The following LRRC55 variants were observed in gnomAD, a reference collection of about 807,000 sequenced individuals.
The protein encoded by LRRC55 is leucine rich repeat containing 55.
In LRRC55, 11 loss-of-function variants were observed where a neutral mutation model predicts 20.5. The ratio of observed to expected loss-of-function variants is 0.54; its 90% confidence interval spans 0.34 to 0.89. The LOEUF (loss-of-function observed/expected upper bound fraction) is 0.89, where lower values mean the gene tolerates loss of function less well. Ranked by LOEUF, LRRC55 falls within the 40% of genes least tolerant of loss-of-function variation. The pLI, the probability that LRRC55 is intolerant of heterozygous loss-of-function variation, is 0.02. For missense variants in LRRC55, 358 were observed against 390.9 expected (o/e 0.92, Z 0.71); for synonymous variants, 188 against 166.6 (o/e 1.13, Z -0.99).
At chr11:57,184,953 G>A (rs10896578) in intron 1 of LRRC55, among the ~76,000 whole-genome samples, 49,322 of 151,958 alleles carry the variant, frequency 0.32, 9,244 homozygotes, top group South Asian at 0.49. Context: ...GAGAGCTCAC[G>A]CGAGTCAAGC....
At position 57,191,149 on chromosome 11, in the gene LRRC55, T is replaced by C. The variant is rs1037004463; in HGVS notation, c.*3669T>C. On this transcript the variant is annotated 3_prime_UTR_variant, in exon 2 of 2. Transcript: ENST00000497933. ...TCAGACAAACCCTCGTCTCTTTTTC[T>C]CCCTTCCTAGAGGAATTCCCAGGGA... The C allele has an allele frequency of 6.6e-6, 1 of 152,134 alleles. No individual in the cohort carries two copies. The highest frequency in any genetic ancestry group is 2.4e-5 in the African/African-American group (1 of 41,410). 9.4% of individuals were successfully genotyped at this position (152,134 alleles called of 1,614,324 possible).
intron 1 of LRRC55, among the ~76,000 whole-genome samples, chr11:57,185,188 T>C (rs72918002): frequency 0.31 from 46,199 of 151,404 alleles, 7,426 homozygotes; most frequent in Non-Finnish European, 0.38. Context: ...TATGCATTTA[T>C]ACAACACATA....
At position 57,187,559 on chromosome 11, in the gene LRRC55, TGGTTCCATGG is replaced by T; in HGVS notation, c.*80_*89del. ...AGACGCCCTCCCTGACTGCTCACTC[TGGTTCCATGG>T]TGACCTGGCTGCCTCAGTCATGGTT... On this transcript the variant is annotated 3_prime_UTR_variant, in exon 2 of 2. Coordinates refer to ENST00000497933, the MANE Select transcript of LRRC55 (RefSeq NM_001005210.4). 1 of 1,323,834 alleles carries T rather than the reference TGGTTCCATGG, an allele frequency of 7.6e-7. No individual in the cohort carries two copies. The highest frequency in any genetic ancestry group is 1.1e-6 in the Non-Finnish European group (1 of 947,326). The allele number at this position is 1,323,834 out of a possible 1,614,324, so 82.0% of individuals were successfully genotyped here. A position where few individuals can be genotyped will look rare whatever the true frequency, so the allele number is the denominator to read the frequency against.
chr11:57,182,716 G>C (rs1159728122), intron 1 of LRRC55, 33 bp downstream of exon 1: 1 of 1,439,000 alleles, frequency 6.9e-7, no homozygotes, highest in African/African-American at 1.4e-5. Flanking sequence ...CAGTCAACAG[G>C]GAGGGCTTGC....
At chr11:57,184,593 C>T (rs1483903150) in intron 1 of LRRC55, among the ~76,000 whole-genome samples, 7 of 152,228 alleles carry the variant, frequency 4.6e-5, no homozygotes, top group Non-Finnish European at 1.0e-4. Flanking sequence ...CCAGTGGAGG[C>T]AGAACTAGGT....
rs1565181273 is a variant in LRRC55 at position 57,188,242 on chromosome 11, A to C, written c.*762A>C. The C allele has an allele frequency of 6.6e-6, 1 of 152,540 alleles. No homozygotes were observed. Among genetic ancestry groups the C allele is most frequent in the Non-Finnish European group, 1.5e-5 (1 of 68,042 alleles). 9.4% of individuals were successfully genotyped at this position (152,540 alleles called of 1,614,324 possible). On this transcript the variant is annotated 3_prime_UTR_variant, in exon 2 of 2. Coordinates refer to ENST00000497933, the MANE Select transcript of LRRC55 (RefSeq NM_001005210.4). ...ATGCCCTTGCTCCTGCCTCTCACTCAAGTTTTGCTTCAGAAGAGAGAGGCA... is the reference window on the plus strand; with the variant it reads ...ATGCCCTTGCTCCTGCCTCTCACTCCAGTTTTGCTTCAGAAGAGAGAGGCA...
chr11:57,186,917 G>A (rs1251412088), intron 1 of LRRC55, among the ~76,000 whole-genome samples: 1 of 152,206 alleles, frequency 6.6e-6, no homozygotes, highest in African/African-American at 2.4e-5. Context: ...GCAGGCTGAG[G>A]ACAGACACCT....
chr11:57,187,400 G>A lies in LRRC55; in HGVS notation c.817G>A (p.Val273Met). 6.2e-7 allele frequency: 1 copy of A among 1,614,200 alleles called. No individual in the cohort carries two copies. Among genetic ancestry groups the A allele is most frequent in the Middle Eastern group, 1.6e-4 (1 of 6,062 alleles). Residue 273 changes from valine to methionine, a missense_variant, in exon 2 of 2, where the codon GTG (valine) becomes ATG (methionine). Transcript: ENST00000497933. ...GGGCTTCGTGGTCTCCATTGCTTCT[G>A]TGGCCACCAACTTCCTCCTGGGCAT... ...FVGFVVSIAS[V>M]ATNFLLGITA...
chr11:57,187,179 T>G, intron 1 of LRRC55, 66 bp from the exon 2 acceptor site: 1 of 1,401,140 alleles, frequency 7.1e-7, no homozygotes, highest in Non-Finnish European at 1.0e-6. Flanking sequence ...CAAGCGGTTG[T>G]GGGTGGACTT....
At chr11:57,184,331 C>T (rs1053745809) in intron 1 of LRRC55, among the ~76,000 whole-genome samples, 1 of 152,206 alleles carries the variant, frequency 6.6e-6, no homozygotes, top group Non-Finnish European at 1.5e-5. Context: ...TCTCTGAGGT[C>T]CCTGCTGCTC....
At position 57,187,444 on chromosome 11, in the gene LRRC55, C is replaced by T; in HGVS notation, c.861C>T (p.His287=). ...FLLGITANCC[H]RWSKASEEEE... ...TGGGCATCACTGCCAACTGCTGCCA[C>T]CGCTGGAGCAAGGCCAGTGAAGAGG... Residue 287 remains histidine, a synonymous_variant, in exon 2 of 2, where the codon CAC becomes CAT. Transcript: ENST00000497933. 1 of 1,614,208 alleles carries T rather than the reference C, an allele frequency of 6.2e-7. No individual in the cohort carries two copies. The highest frequency in any genetic ancestry group is 1.7e-5 in the Admixed American group (1 of 60,030).
At chr11:57,185,745 G>T (rs536632777) in intron 1 of LRRC55, among the ~76,000 whole-genome samples, 1 of 152,252 alleles carries the variant, frequency 6.6e-6, no homozygotes, top group Admixed American at 6.5e-5. Flanking sequence ...AAAGCTGCAT[G>T]GCAAGAGTGT....
Position 57,182,537 on chromosome 11 carries a change from G to C in LRRC55, c.515G>C (p.Gly172Ala), listed in dbSNP as rs1854374767. Residue 172 changes from glycine to alanine, a missense_variant, in exon 1 of 2, where the codon GGG (glycine) becomes GCG (alanine). Coordinates refer to ENST00000497933, the MANE Select transcript of LRRC55 (RefSeq NM_001005210.4). The part of the protein sequence containing the change: ...MQLRDLDLSY[G>A]GLAFLSLEAL... ...CTCCGAGACCTGGACCTCAGTTATG[G>C]GGGCCTGGCCTTCCTCAGCCTGGAG... 1 of 1,582,376 alleles carries C rather than the reference G, an allele frequency of 6.3e-7. No homozygotes were observed. The highest frequency in any genetic ancestry group is 1.3e-5 in the African/African-American group (1 of 74,298).
rs770960716 is a variant in LRRC55 at position 57,182,489 on chromosome 11, A to G, written c.467A>G (p.Gln156Arg). The change falls in exon 1 of 2, where the codon CAG becomes CGG. Residue 156 changes from glutamine to arginine, a missense_variant. Transcript: ENST00000497933. Reference protein sequence around the residue: ...HNPWLRRVHPQAFQGLMQLRD... With the variant: ...HNPWLRRVHPRAFQGLMQLRD... Reference sequence around the variant, plus strand: ...CCCTGGCTGCGGAGGGTGCATCCCCAGGCCTTTCAGGGCCTCATGCAGCTC... The same window carrying G: ...CCCTGGCTGCGGAGGGTGCATCCCCGGGCCTTTCAGGGCCTCATGCAGCTC... 1.2e-6 allele frequency: 2 copies of G among 1,606,292 alleles called. No homozygotes were observed. Among genetic ancestry groups the G allele is most frequent in the Non-Finnish European group, 1.7e-6 (2 of 1,175,654 alleles).
Position 57,182,332 on chromosome 11 carries a change from C to G in LRRC55, c.310C>G (p.Leu104Val). ...LDLHNNSLME[L>V]PRGLFLHAKR... ...TTTGCACAACAACTCCTTAATGGAG[C>G]TGCCCCGGGGCCTCTTCCTCCATGC... The change falls in exon 1 of 2, where the codon CTG (leucine) becomes GTG (valine). Residue 104 changes from leucine (L) to valine (V), a missense_variant. By Grantham distance (32) the Leu-to-Val change is conservative. Transcript: ENST00000497933. The G allele has an allele frequency of 6.2e-7, 1 of 1,613,978 alleles. No individual in the cohort carries two copies. Among genetic ancestry groups the G allele is most frequent in the Non-Finnish European group, 8.5e-7 (1 of 1,179,938 alleles).
At chr11:57,186,595 G>C (rs1854434158) in intron 1 of LRRC55, among the ~76,000 whole-genome samples, 1 of 152,194 alleles carries the variant, frequency 6.6e-6, no homozygotes, top group Non-Finnish European at 1.5e-5. Context: ...CAGAGATCGA[G>C]GGAAGAAGTT....
chr11:57,183,846 C>A (rs1565179564), intron 1 of LRRC55, among the ~76,000 whole-genome samples: 1 of 152,220 alleles, frequency 6.6e-6, no homozygotes, highest in Non-Finnish European at 1.5e-5. Context: ...AACCCAGTGG[C>A]ATCTGAGCCT....
Position 57,191,117 on chromosome 11 carries a change from G to C in LRRC55, c.*3637G>C, listed in dbSNP as rs1854504523. On this transcript the variant is annotated 3_prime_UTR_variant, in exon 2 of 2. Coordinates refer to ENST00000497933, the MANE Select transcript of LRRC55 (RefSeq NM_001005210.4). Reference sequence around the variant, plus strand: ...CATCACTTTGGGCCAGTTATCTCTGGTCACCCTCAGACAAACCCTCGTCTC... The same window carrying C: ...CATCACTTTGGGCCAGTTATCTCTGCTCACCCTCAGACAAACCCTCGTCTC... The C allele has an allele frequency of 6.6e-6, 1 of 152,110 alleles. No individual in the cohort carries two copies. Among genetic ancestry groups the C allele is most frequent in the South Asian group, 2.1e-4 (1 of 4,814 alleles). 9.4% of individuals were successfully genotyped at this position (152,110 alleles called of 1,614,324 possible).
chr11:57,184,718 C>T (rs1303703319), intron 1 of LRRC55, among the ~76,000 whole-genome samples: 1 of 152,170 alleles, frequency 6.6e-6, no homozygotes. Context: ...ATAAGCAAGC[C>T]CCTGGGATAC....
Sources: allele counts gnomAD v4.1 joint callset (sites outside exome capture counted in the v4.1 genomes callset), GRCh38; gene constraint gnomAD v4.1.1; transcripts MANE v1.5; gene names NCBI Gene and HGNC (gene_info 2026-07-23, HGNC 2026-07-21).